NXPE1: variants seen among roughly 807,000 people sequenced by gnomAD.
NXPE1 encodes the protein NXPE family member 1.
Under a neutral mutation model 33.3 loss-of-function variants are expected in NXPE1, and 31 were observed. The ratio of observed to expected loss-of-function variants is 0.93; its 90% confidence interval spans 0.70 to 1.26. The LOEUF (loss-of-function observed/expected upper bound fraction) is 1.26, where lower values mean the gene tolerates loss of function less well. Ranked by LOEUF, NXPE1 falls within the 50% of genes most tolerant of loss-of-function variation. NXPE1 has a pLI of 0.00. For missense variants in NXPE1, 661 were observed against 655.6 expected (o/e 1.01, Z -0.09); for synonymous variants, 229 against 231.4 (o/e 0.99, Z 0.09).
intron 5 of NXPE1, among the ~76,000 whole-genome samples, chr11:114,540,956 A>G (rs1948078873): frequency 7.0e-6 from 1 of 142,010 alleles, no homozygotes; most frequent in African/African-American, 2.6e-5. Context: ...CCCAGAACAG[A>G]GGCAGAGAAG....
chr11:114,535,632 C>G (rs993461215), intron 5 of NXPE1, among the ~76,000 whole-genome samples: 5 of 152,094 alleles, frequency 3.3e-5, no homozygotes, highest in African/African-American at 1.2e-4. Context: ...GGATTGCAAT[C>G]CTAGTCTCGG....
chr11:114,525,008 T>C (rs759530644), intron 7 of NXPE1, among the ~76,000 whole-genome samples: 1 of 152,114 alleles, frequency 6.6e-6, no homozygotes, highest in Non-Finnish European at 1.5e-5. Context: ...ATCTTGCCCG[T>C]AGGTCAAACA....
At chr11:114,523,137 A>G (rs878966107) in intron 7 of NXPE1, 46 bp from the exon 8 acceptor site, 3 of 1,361,868 alleles carry the variant, frequency 2.2e-6, no homozygotes, top group Non-Finnish European at 3.1e-6. Flanking sequence ...CAAAACTTAG[A>G]CATCTAGCCT....
intron 5 of NXPE1, among the ~76,000 whole-genome samples, chr11:114,534,388 C>G (rs1452789545): frequency 5.3e-5 from 8 of 152,208 alleles, no homozygotes; most frequent in Admixed American, 4.6e-4. Flanking sequence ...CTCTTCTCCT[C>G]CAAAGGAACG....
chr11:114,558,941 A>G (rs941241506), intron 1 of NXPE1, among the ~76,000 whole-genome samples: 2 of 152,172 alleles, frequency 1.3e-5, no homozygotes, highest in African/African-American at 4.8e-5. Context: ...TTTAATATGT[A>G]TTACTATGAA....
chr11:114,530,764 G>GCCCC lies in NXPE1; in HGVS notation c.243_244insGGGG (p.Gln82GlyfsTer107). On this transcript the variant is annotated frameshift_variant, in exon 6 of 9. Coordinates refer to ENST00000534921, the Ensembl canonical transcript of NXPE1. LOFTEE classifies it high-confidence loss of function. ...GTGAAAGGTCTGGGTGGGATCTGCT[G>GCCCC]ATCTAGTTTCTCTATGATTTCCTTT... 6.2e-7 allele frequency: 1 copy of GCCCC among 1,614,194 alleles called. No homozygotes were observed. The highest frequency in any genetic ancestry group is 8.5e-7 in the Non-Finnish European group (1 of 1,180,028).
At chr11:114,540,092 A>T (rs1948032072) in intron 5 of NXPE1, among the ~76,000 whole-genome samples, 1 of 152,222 alleles carries the variant, frequency 6.6e-6, no homozygotes, top group Non-Finnish European at 1.5e-5. Context: ...AATAGCTGGG[A>T]TTACAGACGC....
At chr11:114,519,590 G>T (rs1055949454), downstream of NXPE1, among the ~76,000 whole-genome samples, 1 of 152,148 alleles carries the variant, frequency 6.6e-6, no homozygotes, top group African/African-American at 2.4e-5. Context: ...CTTCACAGAA[G>T]AAAATAATTC....
chr11:114,535,327 A>G (rs1266041774), intron 5 of NXPE1, among the ~76,000 whole-genome samples: 1 of 152,248 alleles, frequency 6.6e-6, no homozygotes, highest in Non-Finnish European at 1.5e-5. Context: ...CTGCAAAAAC[A>G]AGCCAAATTG....
intron 1 of NXPE1, among the ~76,000 whole-genome samples, chr11:114,557,082 C>T (rs1244803550): frequency 9.2e-5 from 14 of 151,718 alleles, no homozygotes; most frequent in African/African-American, 2.7e-4. Flanking sequence ...TTAGTAGAGA[C>T]GGGGTTTCAC....
At chr11:114,551,361 T>C in intron 4 of NXPE1, 22 bp downstream of exon 4, 1 of 1,412,504 alleles carries the variant, frequency 7.1e-7, no homozygotes, top group Non-Finnish European at 9.2e-7. Flanking sequence ...TAACAACTCA[T>C]ACCCCCAATC....
intron 5 of NXPE1, 78 bp downstream of exon 5, chr11:114,551,025 G>A (rs78105386): frequency 4.1e-6 from 3 of 732,466 alleles, no homozygotes; most frequent in Middle Eastern, 2.3e-4. Flanking sequence ...CAGGACTAAT[G>A]GAGTGGGACT....
At chr11:114,545,240 A>T (rs1480557062) in intron 5 of NXPE1, among the ~76,000 whole-genome samples, 1 of 152,228 alleles carries the variant, frequency 6.6e-6, no homozygotes, top group Non-Finnish European at 1.5e-5. Flanking sequence ...TTGAATGCTT[A>T]TGTCCACACA....
intron 1 of NXPE1, among the ~76,000 whole-genome samples, chr11:114,556,468 G>T (rs966299905): frequency 2.6e-5 from 4 of 151,904 alleles, no homozygotes; most frequent in East Asian, 3.9e-4. Flanking sequence ...GAATTTCCCT[G>T]GTCAATTGCC....
At chr11:114,530,349 C>T in exon 6 of NXPE1, 1 of 1,614,210 alleles carries the variant, frequency 6.2e-7, no homozygotes, top group Middle Eastern at 1.6e-4. Flanking sequence ...GGTCAGGCCA[C>T]ATTCAGTGAA....
exon 9 of NXPE1, chr11:114,521,998 C>T: frequency 6.2e-7 from 1 of 1,613,056 alleles, no homozygotes; most frequent in South Asian, 1.1e-5. Context: ...ACATGTTAAT[C>T]TGATTTCCAA....
chr11:114,531,230 A>G (rs768802595), intron 5 of NXPE1, among the ~76,000 whole-genome samples: 14 of 152,190 alleles, frequency 9.2e-5, no homozygotes, highest in Non-Finnish European at 1.8e-4. Context: ...GATATATTCA[A>G]TCCAAAATAT....
chr11:114,522,173 A>C, exon 9 of NXPE1: 1 of 1,613,984 alleles, frequency 6.2e-7, no homozygotes, highest in East Asian at 2.2e-5. Flanking sequence ...CATCTCCCTG[A>C]TGTTTTCTGT....
chr11:114,548,703 G>A (rs1335478044), intron 5 of NXPE1, among the ~76,000 whole-genome samples: 2 of 151,940 alleles, frequency 1.3e-5, no homozygotes, highest in Admixed American at 6.6e-5. Flanking sequence ...CTATGTAAAT[G>A]AGGAGATAAA....
Sources: allele counts gnomAD v4.1 joint callset (sites outside exome capture counted in the v4.1 genomes callset), GRCh38; gene constraint gnomAD v4.1.1; transcripts MANE v1.5; gene names NCBI Gene and HGNC (gene_info 2026-07-23, HGNC 2026-07-21).